The following CNIH3 variants were observed in gnomAD, a reference collection of about 807,000 sequenced individuals.
The protein encoded by CNIH3 is cornichon family AMPA receptor auxiliary protein 3, also known as protein cornichon homolog 3.
CNIH3 carries 14 observed loss-of-function variants against 24.1 expected under a neutral mutation model. The ratio of observed to expected loss-of-function variants is 0.58; its 90% CI spans 0.38 to 0.91. The LOEUF is 0.91. CNIH3 is among the 40% of genes least tolerant of loss of function. CNIH3 has a pLI of 0.00. For missense variants in CNIH3, 178 were observed against 196.8 expected (o/e 0.90, Z 0.57); for synonymous variants, 68 against 73.8 (o/e 0.92, Z 0.40).
At chr1:224,449,050 C>T (rs1350892758) in intron 1 of CNIH3, among the ~76,000 whole-genome samples, 8 of 151,116 alleles carry the variant, frequency 5.3e-5, no homozygotes, top group African/African-American at 9.8e-5. Context: ...CTGCAACCTC[C>T]GCCTCTCAGG....
intron 1 of CNIH3, among the ~76,000 whole-genome samples, chr1:224,659,508 T>G (rs1233832581): frequency 6.6e-6 from 1 of 152,160 alleles, no homozygotes; most frequent in African/African-American, 2.4e-5. Flanking sequence ...TTAGATAACC[T>G]GAAAGCCAAA....
At chr1:224,666,157 A>G (rs939745453) in intron 1 of CNIH3, among the ~76,000 whole-genome samples, 1 of 152,246 alleles carries the variant, frequency 6.6e-6, no homozygotes, top group East Asian at 1.9e-4. Flanking sequence ...TCAAAATCAC[A>G]CAGTCAAAAG....
chr1:224,734,008 C>A (rs1481726258), intron 4 of CNIH3, among the ~76,000 whole-genome samples: 21 of 152,128 alleles, frequency 1.4e-4, no homozygotes, highest in Admixed American at 1.4e-3. Context: ...TACGTTCTTT[C>A]ACTCACCCAG....
At chr1:224,491,171 TTAG>T (rs1302856465) in intron 1 of CNIH3, among the ~76,000 whole-genome samples, 1 of 152,252 alleles carries the variant, frequency 6.6e-6, no homozygotes, top group African/African-American at 2.4e-5. Flanking sequence ...CAGGCCCTTA[TTAG>T]TGTATTTACT....
intron 1 of CNIH3, among the ~76,000 whole-genome samples, chr1:224,626,557 G>A (rs554840584): frequency 3.9e-5 from 6 of 152,318 alleles, no homozygotes; most frequent in African/African-American, 1.4e-4. Context: ...ATTTCTGTGT[G>A]CACAGTGTCC....
chr1:224,662,290 TAGAC>T (rs751849828), intron 1 of CNIH3, among the ~76,000 whole-genome samples: 19 of 152,334 alleles, frequency 1.2e-4, no homozygotes, highest in Non-Finnish European at 2.4e-4. Context: ...GCTGAGATAT[TAGAC>T]AGAGCTAGTC....
chr1:224,463,770 CTCATTTTTTTTTTTTTTT>C (rs1405494590), intron 1 of CNIH3, among the ~76,000 whole-genome samples: 2 of 87,070 alleles, frequency 2.3e-5, no homozygotes, highest in African/African-American at 5.4e-5. Flanking sequence ...ATGAATTGTC[CTCATTTTTTTTTTTTTTT>C]TTTTTTTTTT....
At chr1:224,601,182 C>T (rs532915849) in intron 3 of CNIH3, among the ~76,000 whole-genome samples, 62 of 152,322 alleles carry the variant, frequency 4.1e-4, no homozygotes, top group African/African-American at 9.6e-4. Flanking sequence ...GGGTTCTATA[C>T]GCTGGCATGC....
At chr1:224,625,322 G>A (rs1015516585) in intron 1 of CNIH3, among the ~76,000 whole-genome samples, 3 of 152,146 alleles carry the variant, frequency 2.0e-5, no homozygotes, top group African/African-American at 7.2e-5. Context: ...GGCCTAGGCG[G>A]GCGGATCATG....
chr1:224,624,805 C>T (rs891127244), intron 1 of CNIH3, among the ~76,000 whole-genome samples: 2 of 152,206 alleles, frequency 1.3e-5, no homozygotes, highest in Non-Finnish European at 2.9e-5. Context: ...GACCAGGTCC[C>T]GGTTAACTGT....
Position 224,661,455 on chromosome 1 carries a change from TA to T in CNIH3, c.82-19502del. On this transcript the variant is annotated intron_variant, in intron 1 of 5. Coordinates refer to ENST00000272133, the MANE Select transcript of CNIH3 (RefSeq NM_152495.2). ...AATCCACTTCCAAGGTATAGAAATC[TA>T]CTGAATGCTGAGAAAAACAACCCAT... 6 of 250,424 alleles carry T rather than the reference TA, an allele frequency of 2.4e-5. No homozygotes were observed. In the South Asian group the frequency reaches 3.0e-4, roughly 12 times the overall value. The allele number at this position is 250,424 out of a possible 1,614,324, so 15.5% of individuals were successfully genotyped here. A position where few individuals can be genotyped will look rare whatever the true frequency, so the allele number is the denominator to read the frequency against.
chr1:224,656,251 C>T (rs931296072), intron 1 of CNIH3, among the ~76,000 whole-genome samples: 2 of 152,322 alleles, frequency 1.3e-5, no homozygotes, highest in Admixed American at 1.3e-4. Context: ...GCATCTGGCG[C>T]ACTGGAAGAC....
At chr1:224,713,681 C>T (rs1688277649) in intron 3 of CNIH3, among the ~76,000 whole-genome samples, 1 of 152,142 alleles carries the variant, frequency 6.6e-6, no homozygotes, top group African/African-American at 2.4e-5. Flanking sequence ...ATACATATAG[C>T]CCAGTTTATT....
chr1:224,679,640 G>A (rs1322983983), intron 1 of CNIH3, among the ~76,000 whole-genome samples: 1 of 152,234 alleles, frequency 6.6e-6, no homozygotes, highest in African/African-American at 2.4e-5. Context: ...AAATGTGTTG[G>A]TTTAATACAA....
intron 3 of CNIH3, among the ~76,000 whole-genome samples, chr1:224,686,846 A>G (rs1373559388): frequency 1.3e-5 from 2 of 152,260 alleles, no homozygotes; most frequent in Non-Finnish European, 2.9e-5. Context: ...ACTATGCAAG[A>G]ATTAGCATTA....
In CNIH3 at chr1:224,672,930, T is replaced by C. The variant is rs1685940242; in HGVS notation, c.82-8028T>C. ...GGCATGTGCCCACTCATTAGAAAAC[T>C]GCGCAGCTTTTCCCAGTGCCCAAAT... On this transcript the variant is annotated intron_variant, in intron 1 of 5. Coordinates refer to ENST00000272133, the MANE Select transcript of CNIH3 (RefSeq NM_152495.2). Among the ~76,000 whole-genome samples the C allele has an allele frequency of 2.0e-5, 3 of 152,364 alleles. No homozygotes were observed. In the South Asian group the frequency reaches 6.2e-4, roughly 32 times the overall value.
At chr1:224,682,806 A>G (rs2125146504) in intron 2 of CNIH3, among the ~76,000 whole-genome samples, 1 of 152,262 alleles carries the variant, frequency 6.6e-6, no homozygotes, top group South Asian at 2.1e-4. Context: ...CCTTCCTTCT[A>G]ATTGTTTGGG....
intron 4 of CNIH3, among the ~76,000 whole-genome samples, chr1:224,581,719 T>G (rs1175313380): frequency 6.6e-6 from 1 of 152,236 alleles, no homozygotes; most frequent in African/African-American, 2.4e-5. Context: ...TTGGTTGGCT[T>G]TTTAAAGGTG....
intron 1 of CNIH3, among the ~76,000 whole-genome samples, chr1:224,671,241 GA>G (rs1225319728): frequency 6.6e-6 from 1 of 152,228 alleles, no homozygotes; most frequent in Non-Finnish European, 1.5e-5. Context: ...CCAATACAGA[GA>G]TGAAATGGGG....
Sources: allele counts gnomAD v4.1 joint callset (sites outside exome capture counted in the v4.1 genomes callset), GRCh38; gene constraint gnomAD v4.1.1; transcripts MANE v1.5; gene names NCBI Gene and HGNC (gene_info 2026-07-23, HGNC 2026-07-21).